FMO4: variants seen among roughly 807,000 people sequenced by gnomAD.
FMO4 encodes the protein dimethylaniline monooxygenase [N-oxide-forming] 4.
In FMO4, 38 loss-of-function variants were observed where a neutral mutation model predicts 43.3. The ratio of observed to expected loss-of-function variants is 0.88; its 90% CI spans 0.68 to 1.15. FMO4 has a LOEUF of 1.15. Among genes scored for constraint, FMO4 ranks in the 50% most tolerant of loss-of-function variants. The probability of loss-of-function intolerance (pLI) is 0.00; values close to 1 mark genes in which losing one functional copy is unlikely to be tolerated. For missense variants in FMO4, 631 were observed against 663.3 expected, an observed-to-expected ratio of 0.95 and a Z score of 0.54; for synonymous variants, 224 against 232.2, an observed-to-expected ratio of 0.96 and a Z score of 0.32.
intron 3 of FMO4, among the ~76,000 whole-genome samples, chr1:171,320,825 G>T (rs766754734): frequency 6.7e-6 from 1 of 149,396 alleles, no homozygotes; most frequent in Non-Finnish European, 1.5e-5. Context: ...AAAATAAAAT[G>T]AAAAACAAAC....
rs376908107 is a variant in FMO4, at chr1:171,332,746, G to A, written c.665G>A (p.Gly222Glu). 2 of 1,611,204 alleles carry A rather than the reference G, an allele frequency of 1.2e-6. No homozygotes were observed. Among genetic ancestry groups the A allele is most frequent in the Non-Finnish European group, 1.7e-6 (2 of 1,177,560 alleles). ...LSTRTGTWVL[G>E]RSSDWGYPYN... ...ACTAGAACTGGTACCTGGGTTCTTG[G>A]GCGCTCTTCAGATTGGGGCTATCCT... is the stretch of plus-strand genomic sequence containing the variant. The change falls in exon 7 of 10, where the codon GGG (glycine) becomes GAG (glutamate). Residue 222 changes from glycine (G) to glutamate (E), a missense_variant. Physicochemically the swap from Gly to Glu is moderately conservative, Grantham distance 98. Transcript: ENST00000367749.
intron 5 of FMO4, among the ~76,000 whole-genome samples, chr1:171,329,170 G>A (rs1453329434): frequency 6.6e-6 from 1 of 151,938 alleles, no homozygotes; most frequent in Non-Finnish European, 1.5e-5. Context: ...GGTCAAGAGG[G>A]AAGAGAGAAG....
Position 171,341,881 on chromosome 1 carries a change from A to G in FMO4, c.*42A>G. On this transcript the variant is annotated 3_prime_UTR_variant, in exon 10 of 10. Coordinates refer to ENST00000367749, the MANE Select transcript of FMO4 (RefSeq NM_002022.3). ...GGTTACACAAAGTCATGCTAATTCT[A>G]TCTCCAAGTATCTTGTGCATCCCTC... is the stretch of plus-strand genomic sequence containing the variant. 3 of 1,493,840 alleles carry G rather than the reference A, an allele frequency of 2.0e-6. No individual in the cohort carries two copies. Among genetic ancestry groups the G allele is most frequent in the South Asian group, 2.5e-5 (2 of 80,376 alleles). 92.5% of individuals were successfully genotyped at this position (1,493,840 alleles called of 1,614,324 possible).
rs184159699 is a variant in FMO4 at position 171,314,991 on chromosome 1, A to C, written c.-151+578A>C. Among the ~76,000 whole-genome samples, 134 of 152,174 alleles carry C rather than the reference A, an allele frequency of 8.8e-4. 2 individuals carry two copies. Among genetic ancestry groups the C allele is most frequent in the South Asian group, 1.9e-3 (9 of 4,818 alleles). On this transcript the variant is annotated intron_variant, in intron 1 of 9. Transcript: ENST00000367749. ...GGTCAGGTCTCCTTTCTGCCAAGGG[A>C]CTAAATATAAGCAACCTATGGCTGG...
chr1:171,341,327 T>A, intron 9 of FMO4, 86 bp from the exon 10 acceptor site: 1 of 934,058 alleles, frequency 1.1e-6, no homozygotes, highest in Non-Finnish European at 1.6e-6. Context: ...TGTAACAAAA[T>A]GGTGGGAGGA....
chr1:171,320,851 GAA>G (rs1353968038), intron 3 of FMO4, among the ~76,000 whole-genome samples: 7 of 152,058 alleles, frequency 4.6e-5, no homozygotes, highest in African/African-American at 1.7e-4. Flanking sequence ...AAATAAGATG[GAA>G]GCTAGGCAGG....
At chr1:171,325,123 A>T (rs998938672) in intron 5 of FMO4, among the ~76,000 whole-genome samples, 4 of 152,104 alleles carry the variant, frequency 2.6e-5, no homozygotes, top group African/African-American at 4.8e-5. Context: ...ATAAATGAAC[A>T]AATAAATAAA....
Position 171,314,300 on chromosome 1 carries a change from T to C in FMO4, c.-264T>C, listed in dbSNP as rs1662111322. 1 of 151,908 alleles carries C rather than the reference T, an allele frequency of 6.6e-6. No homozygotes were observed. Among genetic ancestry groups the C allele is most frequent in the East Asian group, 1.9e-4 (1 of 5,196 alleles). The allele number at this position is 151,908 out of a possible 1,614,324, so 9.4% of individuals were successfully genotyped here. A position where few individuals can be genotyped will look rare whatever the true frequency, so the allele number is the denominator to read the frequency against. The stretch of plus-strand genomic sequence containing the variant: ...TACAAAAGTCATCTTTCCATTTATT[T>C]TTCTTTCAGAAAAAAGAATTTGGGT... On this transcript the variant is annotated 5_prime_UTR_variant, in exon 1 of 10. Transcript: ENST00000367749.
chr1:171,333,366 G>T (rs1224498556), intron 7 of FMO4, among the ~76,000 whole-genome samples: 1 of 152,120 alleles, frequency 6.6e-6, no homozygotes, highest in Non-Finnish European at 1.5e-5. Context: ...TAGGACTACA[G>T]GCACAGGCCA....
At chr1:171,320,782 C>A (rs1407017834) in intron 3 of FMO4, among the ~76,000 whole-genome samples, 4 of 152,008 alleles carry the variant, frequency 2.6e-5, no homozygotes, top group African/African-American at 9.7e-5. Flanking sequence ...TCAAGACCAG[C>A]ATGGGCGGCA....
intron 3 of FMO4, 45 bp downstream of exon 3, chr1:171,320,002 G>T (rs1662341234): frequency 6.2e-7 from 1 of 1,609,032 alleles, no homozygotes; most frequent in South Asian, 1.1e-5. Context: ...CATTTGCTTT[G>T]TCTCTGCTCA....
chr1:171,336,577 A>C (rs372275429), intron 8 of FMO4, among the ~76,000 whole-genome samples: 189 of 152,204 alleles, frequency 1.2e-3, no homozygotes, highest in Middle Eastern at 6.8e-3. Context: ...TGTGTAACAA[A>C]AATGAAAATG....
intron 8 of FMO4, among the ~76,000 whole-genome samples, chr1:171,335,732 G>T (rs762676519): frequency 6.6e-6 from 1 of 152,006 alleles, no homozygotes; most frequent in Non-Finnish European, 1.5e-5. Context: ...AAAAAAAAAT[G>T]TTATTTGAAT....
At chr1:171,338,974 TACTG>T (rs1375588404) in intron 9 of FMO4, among the ~76,000 whole-genome samples, 26 of 152,324 alleles carry the variant, frequency 1.7e-4, no homozygotes, top group East Asian at 1.2e-3. Context: ...CATGAAAGTT[TACTG>T]ACAGAAATAA....
At chr1:171,324,375 GA>G in intron 5 of FMO4, 75 bp downstream of exon 5, 1 of 1,143,198 alleles carries the variant, frequency 8.7e-7, no homozygotes, top group South Asian at 1.7e-5. Context: ...TTTGCAGTTG[GA>G]AATACCGCCC....
At chr1:171,333,925 G>A (rs1558042023) in intron 7 of FMO4, among the ~76,000 whole-genome samples, 2 of 152,124 alleles carry the variant, frequency 1.3e-5, no homozygotes, top group East Asian at 1.9e-4. Context: ...CCGGGCTCAA[G>A]TGATTCTCCT....
Position 171,314,363 on chromosome 1 carries a change from T to C in FMO4, c.-201T>C, listed in dbSNP as rs1490842972. On this transcript the variant is annotated 5_prime_UTR_variant, in exon 1 of 10. Transcript: ENST00000367749. ...TAAAAAAAAAAGACAAACACTTTCC[T>C]TGACTTTGAGAAATAATTTAAGTCA... 6.6e-6 allele frequency: 1 copy of C among 152,132 alleles called. No individual in the cohort carries two copies. The highest frequency in any genetic ancestry group is 1.5e-5 in the Non-Finnish European group (1 of 68,020). 9.4% of individuals were successfully genotyped at this position (152,132 alleles called of 1,614,324 possible).
At chr1:171,317,924 C>G (rs952399707) in intron 2 of FMO4, among the ~76,000 whole-genome samples, 3 of 152,090 alleles carry the variant, frequency 2.0e-5, no homozygotes, top group African/African-American at 7.2e-5. Flanking sequence ...AGCAAAGAGC[C>G]CCTTTAATAC....
chr1:171,331,177 T>A (rs926105329), intron 5 of FMO4, among the ~76,000 whole-genome samples: 1 of 152,244 alleles, frequency 6.6e-6, no homozygotes, highest in Admixed American at 6.5e-5. Flanking sequence ...ACTGTTTTTA[T>A]TTGTTTGTTC....
Sources: allele counts gnomAD v4.1 joint callset (sites outside exome capture counted in the v4.1 genomes callset), GRCh38; gene constraint gnomAD v4.1.1; transcripts MANE v1.5; gene names NCBI Gene and HGNC (gene_info 2026-07-23, HGNC 2026-07-21).